Variants in TMEFF2 observed in about 807,000 individuals in gnomAD.
TMEFF2 encodes transmembrane protein with EGF like and two follistatin like domains 2, also known as tomoregulin-2.
In TMEFF2, 28 loss-of-function variants were observed where a neutral mutation model predicts 53.8. The ratio of observed to expected loss-of-function variants is 0.52; its 90% CI spans 0.39 to 0.71. TMEFF2 has a LOEUF of 0.71. TMEFF2 is among the 30% of genes least tolerant of loss of function. The pLI, the probability that TMEFF2 is intolerant of heterozygous loss-of-function variation, is 0.00. For missense variants in TMEFF2, 353 were observed against 455.2 expected, an observed-to-expected ratio of 0.78 and a Z score of 2.04; for synonymous variants, 162 against 166.3, an observed-to-expected ratio of 0.97 and a Z score of 0.20.
rs58502767 is a variant in TMEFF2 at position 191,964,398 on chromosome 2, CTCTTTCTTTCTTTCTT to C, written c.746-8036_746-8021del. On this transcript the variant is annotated intron_variant, in intron 7 of 9. Coordinates refer to ENST00000272771, the MANE Select transcript of TMEFF2 (RefSeq NM_016192.4). ...TCTTTCTTTCTTTCTTTCTTTCTTT[CTCTTTCTTTCTTTCTT>C]TCTTTCTTTCTTTCTTTCTTTCTGC... 7.8e-3 allele frequency among the ~76,000 whole-genome samples: 404 copies of C among 51,712 alleles called. 5 individuals are homozygous for C. The highest frequency in any genetic ancestry group is 0.028 in the African/African-American group (389 of 14,052). The allele number at this position is 51,712 out of a possible 152,430, so 33.9% of individuals were successfully genotyped here.
At chr2:192,135,966 C>T (rs1414210079) in intron 4 of TMEFF2, among the ~76,000 whole-genome samples, 2 of 151,772 alleles carry the variant, frequency 1.3e-5, no homozygotes, top group Non-Finnish European at 2.9e-5. Flanking sequence ...CCATTACCTT[C>T]CCAAATCCTA....
At chr2:192,084,806 GTTCT>G (rs920086899) in intron 4 of TMEFF2, among the ~76,000 whole-genome samples, 5 of 152,148 alleles carry the variant, frequency 3.3e-5, no homozygotes, top group South Asian at 4.1e-4. Flanking sequence ...GGTTGATTGT[GTTCT>G]TTTTCATTTA....
At chr2:191,955,458 C>A (rs1692044432) in intron 8 of TMEFF2, among the ~76,000 whole-genome samples, 1 of 149,186 alleles carries the variant, frequency 6.7e-6, no homozygotes, top group Non-Finnish European at 1.5e-5. Context: ...AAGGGATCAT[C>A]CCATCTCAGC....
intron 4 of TMEFF2, among the ~76,000 whole-genome samples, chr2:192,058,276 TTAAG>T (rs1687960060): frequency 6.6e-6 from 1 of 152,182 alleles, no homozygotes; most frequent in Non-Finnish European, 1.5e-5. Context: ...CCTCAAACTG[TTAAG>T]TACTTATAAG....
At chr2:192,056,841 T>G (rs1299877664) in intron 5 of TMEFF2, among the ~76,000 whole-genome samples, 6 of 152,180 alleles carry the variant, frequency 3.9e-5, no homozygotes, top group Admixed American at 3.9e-4. Flanking sequence ...TTGCCCTTTT[T>G]GCCATGTGAA....
intron 3 of TMEFF2, among the ~76,000 whole-genome samples, chr2:192,182,271 G>GA (rs1284536244): frequency 6.6e-6 from 1 of 151,790 alleles, no homozygotes; most frequent in Non-Finnish European, 1.5e-5. Context: ...AAAAGAATGA[G>GA]AATCCCTTTT....
intron 7 of TMEFF2, among the ~76,000 whole-genome samples, chr2:191,960,349 T>C (rs2105791555): frequency 6.6e-6 from 1 of 152,392 alleles, no homozygotes; most frequent in South Asian, 2.1e-4. Context: ...GACTTCTATG[T>C]AGCCTTCACA....
intron 5 of TMEFF2, chr2:192,035,322 T>G (rs1274112627): frequency 6.6e-6 from 1 of 152,256 alleles, no homozygotes; most frequent in South Asian, 2.1e-4. Flanking sequence ...GGTCACAGTC[T>G]AGAACCAGAC....
chr2:192,135,880 CA>C (rs1444340282), intron 4 of TMEFF2, among the ~76,000 whole-genome samples: 1 of 151,868 alleles, frequency 6.6e-6, no homozygotes, highest in African/African-American at 2.4e-5. Flanking sequence ...TCTCCTGGCT[CA>C]GAAGCTCCCC....
intron 4 of TMEFF2, among the ~76,000 whole-genome samples, chr2:192,117,129 A>C (rs955040277): frequency 3.3e-5 from 5 of 152,148 alleles, no homozygotes; most frequent in Non-Finnish European, 4.4e-5. Flanking sequence ...GATGGAGGCT[A>C]TAACAGAATG....
In TMEFF2 at chr2:191,950,226, A is replaced by T. The variant is rs920159958; in HGVS notation, c.*85T>A. ...CACAAATGCAAGGCAACATGTGTAGATCTCTTGTCTTATTCTTTTGTCTAT... is the reference window on the plus strand; with the variant it reads ...CACAAATGCAAGGCAACATGTGTAGTTCTCTTGTCTTATTCTTTTGTCTAT... On this transcript the variant is annotated 3_prime_UTR_variant, in exon 10 of 10. Coordinates refer to ENST00000272771, the MANE Select transcript of TMEFF2 (RefSeq NM_016192.4). The T allele has an allele frequency of 2.5e-6, 4 of 1,581,290 alleles. No homozygotes were observed. The highest frequency in any genetic ancestry group is 3.4e-6 in the Non-Finnish European group (4 of 1,164,172).
At chr2:191,974,130 A>C (rs1218787688) in intron 7 of TMEFF2, among the ~76,000 whole-genome samples, 1 of 152,152 alleles carries the variant, frequency 6.6e-6, no homozygotes, top group Admixed American at 6.6e-5. Context: ...TTTCTTCACA[A>C]TTTTTCAGTG....
intron 4 of TMEFF2, among the ~76,000 whole-genome samples, chr2:192,117,231 A>AT (rs1177695624): frequency 1.3e-5 from 2 of 152,136 alleles, no homozygotes; most frequent in African/African-American, 4.8e-5. Context: ...TTTAAGGATA[A>AT]TTTTCAGAAA....
chr2:192,120,830 A>G (rs1428268173), intron 4 of TMEFF2, among the ~76,000 whole-genome samples: 1 of 151,716 alleles, frequency 6.6e-6, no homozygotes, highest in African/African-American at 2.4e-5. Context: ...TCCGCCTCCC[A>G]GGTTCAAGCG....
chr2:192,059,446 T>C (rs1687991638), intron 4 of TMEFF2, among the ~76,000 whole-genome samples: 1 of 152,030 alleles, frequency 6.6e-6, no homozygotes. Flanking sequence ...ACAGCTGAGG[T>C]CGGTCTCTTT....
Position 192,132,893 on chromosome 2 carries a change from C to T in TMEFF2, c.439+46775G>A, listed in dbSNP as rs552858895. Among the ~76,000 whole-genome samples the T allele has an allele frequency of 4.0e-4, 61 of 152,290 alleles. No homozygotes were observed. In the East Asian group the frequency reaches 8.5e-3, roughly 21 times the overall value. ...TCTCGGCTTAGTGGCTGAAGACTGA[C>T]GCTGCCTGATCACCTCGAAAGCCCC... On this transcript the variant is annotated intron_variant, in intron 4 of 9. Transcript: ENST00000272771.
intron 4 of TMEFF2, among the ~76,000 whole-genome samples, chr2:192,098,410 C>A (rs986940552): frequency 3.3e-5 from 5 of 152,162 alleles, no homozygotes; most frequent in Admixed American, 3.3e-4. Flanking sequence ...CAAAAAATTT[C>A]TTCATTATCT....
Position 192,123,111 on chromosome 2 carries a change from A to C in TMEFF2, c.439+56557T>G, listed in dbSNP as rs974781871. ...CACTCTAAAATCATATTAAGGAGAA[A>C]ATTACTTTTCAACCTTTGGCAAGTT... On this transcript the variant is annotated intron_variant, in intron 4 of 9. Transcript: ENST00000272771. Among the ~76,000 whole-genome samples the C allele has an allele frequency of 2.0e-5, 3 of 152,152 alleles. No homozygotes were observed. The South Asian group carries it at 6.2e-4, about 31-fold the overall frequency.
rs201999170 is a variant in TMEFF2, at chr2:191,956,267, T to G, written c.857A>C (p.Glu286Ala). 5.6e-6 allele frequency: 9 copies of G among 1,612,544 alleles called. No homozygotes were observed. The highest frequency in any genetic ancestry group is 1.7e-4 in the Middle Eastern group (1 of 6,046). ...GKCEHSINMQ[E>A]PSCRCDAGYT... Reference sequence around the variant, plus strand: ...GTAAAAATGTTACCTGCAAGATGGCTCCTGCATATTGATAGAATGCTCACA... The same window carrying G: ...GTAAAAATGTTACCTGCAAGATGGCGCCTGCATATTGATAGAATGCTCACA... Residue 286 changes from glutamate (E) to alanine (A), a missense_variant, in exon 8 of 10, where the codon GAG becomes GCG. Glu to Ala is a moderately radical substitution (Grantham distance 107). Coordinates refer to ENST00000272771, the MANE Select transcript of TMEFF2 (RefSeq NM_016192.4).
Sources: allele counts gnomAD v4.1 joint callset (sites outside exome capture counted in the v4.1 genomes callset), GRCh38; gene constraint gnomAD v4.1.1; transcripts MANE v1.5; gene names NCBI Gene and HGNC (gene_info 2026-07-23, HGNC 2026-07-21).